The following GPC5 variants were observed in gnomAD, a reference collection of about 807,000 sequenced individuals.
The protein encoded by GPC5 is glypican-5.
A neutral mutation model predicts 53.9 loss-of-function variants in GPC5; 47 were observed. The observed-to-expected ratio is 0.87, with a 90% CI of 0.69 to 1.11. The LOEUF is 1.11. Among genes scored for constraint, GPC5 ranks in the 50% most tolerant of loss-of-function variants. The pLI is 0.00. For synonymous variants in GPC5, 286 were observed against 263.3 expected, an observed-to-expected ratio of 1.09 and a Z score of -0.84; for missense variants, 748 against 713.1, an observed-to-expected ratio of 1.05 and a Z score of -0.56.
chr13:92,853,113 G>A (rs1335241514), intron 7 of GPC5, among the ~76,000 whole-genome samples: 6 of 151,946 alleles, frequency 3.9e-5, no homozygotes. Context: ...CATGAAAAAT[G>A]GTTAAATCTA....
chr13:91,661,980 G>A (rs1198665614), intron 2 of GPC5, among the ~76,000 whole-genome samples: 2 of 152,206 alleles, frequency 1.3e-5, no homozygotes, highest in African/African-American at 4.8e-5. Flanking sequence ...GCTGTTTTGA[G>A]CACAGTCTAG....
chr13:92,239,959 T>G (rs2042598984), intron 7 of GPC5: 1 of 152,124 alleles, frequency 6.6e-6, no homozygotes, highest in Admixed American at 6.6e-5. Flanking sequence ...CTTTTTCAGT[T>G]TTTTGTCCAT....
chr13:92,166,395 A>T (rs562312055), intron 7 of GPC5, among the ~76,000 whole-genome samples: 1 of 152,350 alleles, frequency 6.6e-6, no homozygotes, highest in South Asian at 2.1e-4. Context: ...AATCCATTTC[A>T]TTTCTCAAAT....
At chr13:92,538,319 A>G (rs1179278824) in intron 7 of GPC5, among the ~76,000 whole-genome samples, 1 of 139,110 alleles carries the variant, frequency 7.2e-6, no homozygotes, top group African/African-American at 2.7e-5. Flanking sequence ...CCTTTTATCT[A>G]TCCCTTTCTA....
chr13:92,646,243 G>A (rs190106357), intron 7 of GPC5, among the ~76,000 whole-genome samples: 118 of 152,046 alleles, frequency 7.8e-4, no homozygotes, highest in African/African-American at 2.7e-3. Context: ...TTTTTCATAT[G>A]ATCACCAAGT....
intron 7 of GPC5, among the ~76,000 whole-genome samples, chr13:92,578,990 C>T (rs911630243): frequency 2.6e-5 from 4 of 152,092 alleles, no homozygotes; most frequent in African/African-American, 9.7e-5. Context: ...TTTGGGTCAA[C>T]AGTCATGTAG....
intron 7 of GPC5, among the ~76,000 whole-genome samples, chr13:92,385,182 A>C (rs1395251343): frequency 2.0e-5 from 3 of 151,668 alleles, no homozygotes; most frequent in East Asian, 3.9e-4. Flanking sequence ...ATTAATTCTG[A>C]ATAAAAATTC....
intron 6 of GPC5, among the ~76,000 whole-genome samples, chr13:91,957,830 C>T (rs1410201729): frequency 6.6e-6 from 1 of 151,738 alleles, no homozygotes; most frequent in African/African-American, 2.4e-5. Context: ...TGATATCTAC[C>T]ATCATAAAAA....
intron 7 of GPC5, among the ~76,000 whole-genome samples, chr13:92,205,903 G>C (rs987085046): frequency 6.6e-6 from 1 of 151,764 alleles, no homozygotes; most frequent in African/African-American, 2.4e-5. Context: ...AAAAATTAGG[G>C]TGATGGCACA....
chr13:92,837,603 C>T (rs550433312), intron 7 of GPC5, among the ~76,000 whole-genome samples: 5 of 152,116 alleles, frequency 3.3e-5, no homozygotes, highest in African/African-American at 1.2e-4. Flanking sequence ...AATTCTGGGG[C>T]TGTGTAATGT....
intron 2 of GPC5, among the ~76,000 whole-genome samples, chr13:91,592,365 A>G (rs1485724225): frequency 6.6e-6 from 1 of 152,132 alleles, no homozygotes; most frequent in East Asian, 1.9e-4. Context: ...CCTCCTCACC[A>G]GGTCTGCTCC....
intron 5 of GPC5, among the ~76,000 whole-genome samples, chr13:91,882,670 G>GGTTT (rs369125257): frequency 1.7e-5 from 1 of 59,322 alleles, no homozygotes; most frequent in Non-Finnish European, 3.0e-5. Flanking sequence ...TGTTTTTTGG[G>GGTTT]TTTTTTTTTT....
At chr13:91,506,320 A>G (rs1884942662) in intron 2 of GPC5, among the ~76,000 whole-genome samples, 1 of 152,172 alleles carries the variant, frequency 6.6e-6, no homozygotes, top group Non-Finnish European at 1.5e-5. Context: ...CAGTATCACA[A>G]TGCTTTTGTT....
chr13:92,481,081 A>T (rs1230677429), intron 7 of GPC5, among the ~76,000 whole-genome samples: 1 of 150,684 alleles, frequency 6.6e-6, no homozygotes, highest in Non-Finnish European at 1.5e-5. Flanking sequence ...GAACTGTAAG[A>T]TCACTAATTT....
chr13:92,668,467 GA>G (rs1886644608), intron 7 of GPC5, among the ~76,000 whole-genome samples: 1 of 152,084 alleles, frequency 6.6e-6, no homozygotes. Flanking sequence ...TTCAGCAAGA[GA>G]ATGTTTCAGT....
intron 6 of GPC5, among the ~76,000 whole-genome samples, chr13:92,101,927 T>A (rs191237779): frequency 1.3e-5 from 2 of 152,344 alleles, no homozygotes; most frequent in African/African-American, 4.8e-5. Flanking sequence ...CAAAGTGCAA[T>A]GCATGTGAGT....
At chr13:91,643,622 C>T (rs1360934541) in intron 2 of GPC5, among the ~76,000 whole-genome samples, 1 of 152,190 alleles carries the variant, frequency 6.6e-6, no homozygotes, top group Non-Finnish European at 1.5e-5. Context: ...AATTTATCAT[C>T]TTTACTGTTT....
intron 6 of GPC5, among the ~76,000 whole-genome samples, chr13:92,014,946 T>C (rs763542850): frequency 3.2e-4 from 49 of 152,122 alleles, no homozygotes; most frequent in Non-Finnish European, 4.6e-4. Flanking sequence ...GGTGGCTGAT[T>C]TGAGTGATGA....
At chr13:91,808,316 T>C (rs1275516241) in intron 5 of GPC5, among the ~76,000 whole-genome samples, 1 of 152,130 alleles carries the variant, frequency 6.6e-6, no homozygotes, top group Non-Finnish European at 1.5e-5. Context: ...TACCAATTCA[T>C]TGGTTATTGA....
Sources: allele counts gnomAD v4.1 joint callset (sites outside exome capture counted in the v4.1 genomes callset), GRCh38; gene constraint gnomAD v4.1.1; transcripts MANE v1.5; gene names NCBI Gene and HGNC (gene_info 2026-07-23, HGNC 2026-07-21).